NPAS2: variants seen among roughly 807,000 people sequenced by gnomAD.
NPAS2 encodes neuronal PAS domain-containing protein 2.
Under a neutral mutation model 107.5 loss-of-function variants are expected in NPAS2, and 23 were observed. That is an observed-to-expected ratio of 0.21 (90% confidence interval 0.15 to 0.30). The LOEUF (loss-of-function observed/expected upper bound fraction) is 0.30. Ranked by LOEUF, NPAS2 falls within the 10% of genes least tolerant of loss-of-function variation. The pLI is 1.00. For synonymous variants in NPAS2, 403 were observed against 417.5 expected, an observed-to-expected ratio of 0.97 and a Z score of 0.42; for missense variants, 756 against 1,043.3, an observed-to-expected ratio of 0.72 and a Z score of 3.79.
chr2:100,823,278 C>T (rs1676183048), intron 1 of NPAS2, among the ~76,000 whole-genome samples: 1 of 152,082 alleles, frequency 6.6e-6, no homozygotes, highest in African/African-American at 2.4e-5. Flanking sequence ...GTTTTTAATG[C>T]AGTCTTTAAG....
rs535643158 is a variant in NPAS2, at chr2:100,995,344, A to G, written c.2293-56A>G. ...CATGCCCCGCACTGCCTTGTAAGAC[A>G]GTTGAGGAGCGGACATCAGAACCAC... On this transcript the variant is annotated intron_variant, in intron 20 of 20. Transcript: ENST00000335681. The G allele has an allele frequency of 1.1e-3, 1,666 of 1,496,148 alleles. 3 individuals carry two copies. Among genetic ancestry groups the G allele is most frequent in the Non-Finnish European group, 1.4e-3 (1,532 of 1,093,386 alleles). The allele number at this position is 1,496,148 out of a possible 1,614,324, so 92.7% of individuals were successfully genotyped here.
At chr2:100,852,563 A>G (rs2104482443) in intron 1 of NPAS2, among the ~76,000 whole-genome samples, 1 of 152,256 alleles carries the variant, frequency 6.6e-6, no homozygotes, top group Admixed American at 6.5e-5. Flanking sequence ...CCTGGCTAGC[A>G]CAGCATACCC....
intron 1 of NPAS2, among the ~76,000 whole-genome samples, chr2:100,897,849 T>A (rs1681512748): frequency 6.6e-6 from 1 of 152,122 alleles, no homozygotes; most frequent in African/African-American, 2.4e-5. Context: ...CACAGTGGGT[T>A]CCCCCTTGCC....
intron 1 of NPAS2, among the ~76,000 whole-genome samples, chr2:100,887,681 CT>C (rs200266071): frequency 0.05 from 7,256 of 144,862 alleles, 215 homozygotes; most frequent in Non-Finnish European, 0.081. Flanking sequence ...TTTTCTTTTT[CT>C]TTTTTTTTTT....
At chr2:100,864,032 T>A (rs1334892827) in intron 1 of NPAS2, among the ~76,000 whole-genome samples, 1 of 152,218 alleles carries the variant, frequency 6.6e-6, no homozygotes, top group Non-Finnish European at 1.5e-5. Flanking sequence ...GGGCTAATTG[T>A]GAAAGCATTA....
At chr2:100,926,406 G>T (rs1432265659) in intron 3 of NPAS2, among the ~76,000 whole-genome samples, 1 of 152,118 alleles carries the variant, frequency 6.6e-6, no homozygotes, top group East Asian at 1.9e-4. Context: ...ATGTATGAGG[G>T]TTCCAATTTC....
At chr2:100,826,312 C>T (rs918855871) in intron 1 of NPAS2, among the ~76,000 whole-genome samples, 1 of 152,084 alleles carries the variant, frequency 6.6e-6, no homozygotes, top group Non-Finnish European at 1.5e-5. Flanking sequence ...CATGGTGGCA[C>T]ATGTCTGTAA....
chr2:100,910,669 C>T (rs948904684), intron 2 of NPAS2, among the ~76,000 whole-genome samples: 4 of 152,224 alleles, frequency 2.6e-5, no homozygotes, highest in Middle Eastern at 3.4e-3. Context: ...GCTGGGATTA[C>T]AGGCGTCCAC....
At chr2:100,819,140 T>G (rs1573385624), upstream of NPAS2, among the ~76,000 whole-genome samples, 1 of 146,018 alleles carries the variant, frequency 6.8e-6, no homozygotes. The surrounding 1 kb of genome is among the most constrained non-coding windows in gnomAD (Gnocchi z 5.8). Context: ...GCCTGTCTCC[T>G]CCCACAGAGG....
At chr2:100,935,093 A>G in intron 4 of NPAS2, 1 of 983,294 alleles carries the variant, frequency 1.0e-6, no homozygotes, top group Non-Finnish European at 1.2e-6. Context: ...GACCTGGCTG[A>G]AAAAACAAAA....
intron 5 of NPAS2, 82 bp from the exon 6 acceptor site, chr2:100,948,152 GT>G: frequency 1.4e-6 from 2 of 1,481,442 alleles, no homozygotes; most frequent in Non-Finnish European, 1.9e-6. Flanking sequence ...GTTCTGCGTT[GT>G]TGTGAATGTT....
rs1488580673 is a variant in NPAS2, at chr2:100,964,084, G to T, written c.625G>T (p.Asp209Tyr). The T allele has an allele frequency of 7.4e-6, 12 of 1,613,832 alleles. No individual in the cohort carries two copies. The highest frequency in any genetic ancestry group is 4.5e-5 in the East Asian group (2 of 44,876). ...NVPSPSCNGF[D>Y]NTLSRPCRVP... ...GCCTAGCCCCTCCTGTAATGGTTTT[G>T]ACAACACCCTTTCAAGACCTTGCCG... The change falls in exon 8 of 21, where the codon GAC (aspartate) becomes TAC (tyrosine). Residue 209 changes from aspartate (D) to tyrosine (Y), a missense_variant. Asp to Tyr is a radical substitution (Grantham distance 160). Transcript: ENST00000335681.
At chr2:100,916,046 T>G (rs1196920153) in intron 2 of NPAS2, among the ~76,000 whole-genome samples, 2 of 152,160 alleles carry the variant, frequency 1.3e-5, no homozygotes, top group African/African-American at 2.4e-5. Flanking sequence ...AAGACAAGTT[T>G]GTATATTACA....
At chr2:100,881,070 C>T (rs757872093) in intron 1 of NPAS2, among the ~76,000 whole-genome samples, 3 of 152,182 alleles carry the variant, frequency 2.0e-5, no homozygotes, top group Admixed American at 6.5e-5. Context: ...TTGGGCCCCA[C>T]CCCAGGGATG....
chr2:100,964,782 C>A, intron 8 of NPAS2, 79 bp from the exon 9 acceptor site: 1 of 799,606 alleles, frequency 1.3e-6, no homozygotes, highest in Non-Finnish European at 2.0e-6. Context: ...TGTTACCCAC[C>A]ACGCGTTCCT....
chr2:100,939,897 C>T (rs893345334), intron 5 of NPAS2, among the ~76,000 whole-genome samples: 10 of 152,106 alleles, frequency 6.6e-5, no homozygotes, highest in African/African-American at 2.2e-4. Flanking sequence ...AGAAATGACC[C>T]GACTCTAATT....
chr2:100,836,521 A>G (rs12477770), intron 1 of NPAS2, among the ~76,000 whole-genome samples: 23,196 of 152,150 alleles, frequency 0.15, 1,893 homozygotes, highest in East Asian at 0.25. Flanking sequence ...GCCTGGGGAC[A>G]GTGGTGGTAG....
intron 3 of NPAS2, among the ~76,000 whole-genome samples, chr2:100,927,984 C>G (rs556335071): frequency 6.6e-6 from 1 of 152,180 alleles, no homozygotes. Flanking sequence ...TTCTTCCATG[C>G]AGGCAGTGAT....
chr2:100,913,749 G>T (rs1682700765), intron 2 of NPAS2, among the ~76,000 whole-genome samples: 2 of 152,106 alleles, frequency 1.3e-5, no homozygotes, highest in Admixed American at 6.5e-5. Context: ...TAGGACTTTT[G>T]GTGATGTATA....
Sources: gnomAD v4.1 joint callset for allele counts (sites outside exome capture counted in the v4.1 genomes callset) on GRCh38, gnomAD v4.1.1 for gene constraint, Gnocchi (gnomAD v3.1) non-coding constraint, MANE v1.5 for transcripts, NCBI Gene and HGNC (gene_info 2026-07-23, HGNC 2026-07-21) for gene names.